Variants in ADGB observed in about 807,000 individuals in gnomAD.
ADGB encodes calpain-7-like protein.
A neutral mutation model predicts 210.5 loss-of-function variants in ADGB; 172 were observed. The observed-to-expected ratio is 0.82, with a 90% CI of 0.72 to 0.93. The LOEUF (loss-of-function observed/expected upper bound fraction) is 0.93. Among genes scored for constraint, ADGB ranks in the 40% least tolerant of loss-of-function variants. ADGB has a pLI of 0.00. For synonymous variants in ADGB, 658 were observed against 662.7 expected (o/e 0.99, Z 0.11); for missense variants, 2,025 against 1,964.8 (o/e 1.03, Z -0.58).
At chr6:146,708,113 T>C (rs917802062) in intron 13 of ADGB, among the ~76,000 whole-genome samples, 6 of 152,094 alleles carry the variant, frequency 3.9e-5, no homozygotes, top group African/African-American at 1.4e-4. Flanking sequence ...GTCTCTCTTA[T>C]GGTTTATGTT....
intron 13 of ADGB, among the ~76,000 whole-genome samples, chr6:146,714,087 G>T (rs999925364): frequency 6.6e-6 from 1 of 151,792 alleles, no homozygotes; most frequent in African/African-American, 2.4e-5. Context: ...TATGAATCTT[G>T]CCACCCACAA....
chr6:146,692,992 C>A, intron 12 of ADGB, 77 bp downstream of exon 12: 3 of 724,854 alleles, frequency 4.1e-6, no homozygotes, highest in Non-Finnish European at 6.6e-6. Flanking sequence ...AAGATAACAC[C>A]AAATGGGAGC....
intron 30 of ADGB, among the ~76,000 whole-genome samples, chr6:146,782,880 G>A (rs1309808745): frequency 6.6e-6 from 1 of 152,134 alleles, no homozygotes; most frequent in African/African-American, 2.4e-5. Context: ...CCAAAAAACA[G>A]CGCACTCTAA....
chr6:146,756,311 G>A (rs1262925664), intron 27 of ADGB, among the ~76,000 whole-genome samples: 2 of 152,080 alleles, frequency 1.3e-5, no homozygotes, highest in African/African-American at 4.8e-5. Flanking sequence ...CTGCAAGATA[G>A]ACCTTGCCAC....
At chr6:146,623,973 A>G (rs1662482592) in intron 1 of ADGB, among the ~76,000 whole-genome samples, 2 of 151,792 alleles carry the variant, frequency 1.3e-5, no homozygotes, top group African/African-American at 4.8e-5. Flanking sequence ...GATCTGCTTT[A>G]TTTGATCTGT....
chr6:146,771,392 T>A (rs1327211918), intron 29 of ADGB, among the ~76,000 whole-genome samples: 1 of 151,838 alleles, frequency 6.6e-6, no homozygotes, highest in Non-Finnish European at 1.5e-5. Context: ...AAAAAAAAAA[T>A]CAGTTGTTTA....
intron 6 of ADGB, among the ~76,000 whole-genome samples, chr6:146,665,160 A>C (rs1034156106): frequency 4.6e-5 from 7 of 152,082 alleles, no homozygotes; most frequent in African/African-American, 1.7e-4. Context: ...ATGCTTTAAC[A>C]GTACATGTTA....
Position 146,691,230 on chromosome 6 carries a change from C to A in ADGB, c.1426C>A (p.Leu476Ile), listed in dbSNP as rs1776302727. 6.5e-7 allele frequency: 1 copy of A among 1,548,900 alleles called. No homozygotes were observed. Among genetic ancestry groups the A allele is most frequent in the East Asian group, 2.5e-5 (1 of 40,758 alleles). ...GGTAGCACCACCAAAACCACCTCCT[C>A]TACCTCCCTGGAAACTCATTCGTCA... The part of the protein sequence containing the change: ...PLVAPPKPPP[L>I]PPWKLIRQKK... Residue 476 changes from leucine to isoleucine, a missense_variant, in exon 11 of 36, where the codon CTA (leucine) becomes ATA (isoleucine). Transcript: ENST00000397944.
chr6:146,602,899 G>A (rs9373500), intron 1 of ADGB, among the ~76,000 whole-genome samples: 44,468 of 152,058 alleles, frequency 0.29, 6,581 homozygotes, highest in East Asian at 0.48. Context: ...CTCCATCCAT[G>A]GAAAAATTGT....
At chr6:146,638,611 G>GT (rs200896396) in intron 2 of ADGB, among the ~76,000 whole-genome samples, 2 of 62,422 alleles carry the variant, frequency 3.2e-5, no homozygotes, top group Non-Finnish European at 4.7e-5. Flanking sequence ...TTGTGGGGTG[G>GT]GGGGGGGGGG....
At position 146,740,783 on chromosome 6, in the gene ADGB, A is replaced by C. The variant is rs375313548; in HGVS notation, c.3023+190A>C. On this transcript the variant is annotated intron_variant, in intron 24 of 35. Transcript: ENST00000397944. ...TATCTATTCTTTTCATCAAAATATG[A>C]AGAATGTTTAGTAATTATTAGAAGC... Among the ~76,000 whole-genome samples, 8 of 151,398 alleles carry C rather than the reference A, an allele frequency of 5.3e-5. 1 individual carries two copies. In the South Asian group the frequency reaches 1.7e-3, roughly 31 times the overall value.
At chr6:146,658,637 C>G (rs919158241) in intron 5 of ADGB, among the ~76,000 whole-genome samples, 4 of 152,162 alleles carry the variant, frequency 2.6e-5, no homozygotes, top group Non-Finnish European at 2.9e-5. Flanking sequence ...CATTCATTAA[C>G]ATCACTTTCC....
intron 35 of ADGB, chr6:146,807,694 T>C (rs956013819): frequency 1.2e-5 from 11 of 911,612 alleles, no homozygotes; most frequent in African/African-American, 1.0e-4. Context: ...ATAGAAATTG[T>C]TCTTTCTTAG....
At chr6:146,809,442 G>T (rs1414708375) in intron 35 of ADGB, among the ~76,000 whole-genome samples, 2 of 152,060 alleles carry the variant, frequency 1.3e-5, no homozygotes, top group Non-Finnish European at 2.9e-5. Context: ...TTGACCTCAG[G>T]TGATCCACCC....
chr6:146,615,062 G>A lies in ADGB; in HGVS notation c.74+15948G>A, dbSNP rs545583381. Among the ~76,000 whole-genome samples the A allele has an allele frequency of 2.1e-4, 31 of 148,718 alleles. No individual in the cohort carries two copies. The East Asian group carries it at 4.4e-3, about 21-fold the overall frequency. On this transcript the variant is annotated intron_variant, in intron 1 of 35. Coordinates refer to ENST00000397944, the MANE Select transcript of ADGB (RefSeq NM_024694.4). ...ACTACAGGCGCCCACCACCACGCCC[G>A]GCTAATTTTTTTTTTTTTGTATTTT...
chr6:146,808,678 G>C (rs189110514), intron 35 of ADGB, among the ~76,000 whole-genome samples: 1 of 152,196 alleles, frequency 6.6e-6, no homozygotes, highest in African/African-American at 2.4e-5. Flanking sequence ...CCTTTCTACT[G>C]TTAATCTTTG....
chr6:146,812,833 C>A (rs1778321851), intron 35 of ADGB, among the ~76,000 whole-genome samples: 1 of 152,152 alleles, frequency 6.6e-6, no homozygotes. Flanking sequence ...CTGGGAACAA[C>A]TTGGACAGTG....
At chr6:146,656,672 A>G (rs1464641589) in intron 4 of ADGB, 99 bp from the exon 5 acceptor site, 2 of 755,656 alleles carry the variant, frequency 2.6e-6, no homozygotes, top group Non-Finnish European at 4.2e-6. Flanking sequence ...ATAATTTAAT[A>G]TTATTCTTGG....
At chr6:146,711,801 A>G (rs111742627) in intron 13 of ADGB, among the ~76,000 whole-genome samples, 23 of 151,948 alleles carry the variant, frequency 1.5e-4, no homozygotes, top group African/African-American at 5.6e-4. Context: ...AGGCTGAGGC[A>G]GGTGGATTGC....
Sources: allele counts gnomAD v4.1 joint callset (sites outside exome capture counted in the v4.1 genomes callset), GRCh38; gene constraint gnomAD v4.1.1; transcripts MANE v1.5; gene names NCBI Gene and HGNC (gene_info 2026-07-23, HGNC 2026-07-21).